DIAPH1: variants seen among roughly 807,000 people sequenced by gnomAD.
DIAPH1 encodes protein diaphanous homolog 1.
DIAPH1 carries 46 observed loss-of-function variants against 140.7 expected under a neutral mutation model. The observed-to-expected ratio is 0.33, with a 90% CI of 0.26 to 0.42. The LOEUF (loss-of-function observed/expected upper bound fraction) is 0.42, where lower values mean the gene tolerates loss of function less well. DIAPH1 is among the 10% of genes least tolerant of loss of function. DIAPH1 has a pLI of 1.00. For missense variants in DIAPH1, 1,310 were observed against 1,558.7 expected (o/e 0.84, Z 2.69); for synonymous variants, 565 against 551.6 (o/e 1.02, Z -0.34).
intron 18 of DIAPH1, among the ~76,000 whole-genome samples, chr5:141,546,183 C>T (rs528968276): frequency 5.9e-5 from 9 of 151,962 alleles, no homozygotes; most frequent in African/African-American, 1.2e-4. Context: ...GGAGTTTGAG[C>T]GCAGCCTGGC....
chr5:141,581,343 A>G (rs1351709032), intron 7 of DIAPH1, among the ~76,000 whole-genome samples: 1 of 152,210 alleles, frequency 6.6e-6, no homozygotes, highest in African/African-American at 2.4e-5. Flanking sequence ...TAGCCTCTAG[A>G]ATTGTGAGAT....
intron 22 of DIAPH1, 58 bp from the exon 23 acceptor site, chr5:141,528,640 A>G: frequency 6.2e-7 from 1 of 1,614,240 alleles, no homozygotes; most frequent in East Asian, 2.2e-5. Flanking sequence ...CCTCCTGCCA[A>G]CACTGAACTC....
Position 141,590,782 on chromosome 5 carries a change from T to C in DIAPH1, c.118-2532A>G, listed in dbSNP as rs1213491546. 3.3e-5 allele frequency among the ~76,000 whole-genome samples: 5 copies of C among 152,080 alleles called. No individual in the cohort carries two copies. The East Asian group carries it at 7.7e-4, about 24-fold the overall frequency. On this transcript the variant is annotated intron_variant, in intron 1 of 27. Transcript: ENST00000389054. ...GTGGGGGGTAACCAGCAACCTGTTC[T>C]TTCTGCCTACAGACTCTTGATTCGT...
At chr5:141,589,759 T>C (rs1183010594) in intron 1 of DIAPH1, among the ~76,000 whole-genome samples, 2 of 152,136 alleles carry the variant, frequency 1.3e-5, no homozygotes, top group East Asian at 3.9e-4. Flanking sequence ...ATTCTGTATG[T>C]TTTACATTCT....
chr5:141,545,002 T>C (rs2099890568), intron 18 of DIAPH1, among the ~76,000 whole-genome samples: 2 of 152,210 alleles, frequency 1.3e-5, no homozygotes, highest in South Asian at 4.1e-4. Flanking sequence ...AACCCAGATG[T>C]CCATCAGCCA....
rs2099893944 is a variant in DIAPH1 at position 141,563,767 on chromosome 5, C to A, written c.2482+7661G>T. The A allele has an allele frequency of 2.0e-5, 3 of 152,140 alleles. No homozygotes were observed. The South Asian group carries it at 6.2e-4, about 31-fold the overall frequency. 9.4% of individuals were successfully genotyped at this position (152,140 alleles called of 1,614,324 possible). A position where few individuals can be genotyped will look rare whatever the true frequency, so the allele number is the denominator to read the frequency against. On this transcript the variant is annotated intron_variant, in intron 18 of 27. Transcript: ENST00000389054. ...TAAAGCTGGGATGGCTAGAAAGAGG[C>A]TCTAAAAATGAGACTAGCTGGGGAT...
intron 18 of DIAPH1, among the ~76,000 whole-genome samples, chr5:141,537,347 G>A (rs1278599376): frequency 6.6e-6 from 1 of 151,954 alleles, no homozygotes; most frequent in African/African-American, 2.4e-5. Flanking sequence ...GCCGGGTGTG[G>A]TGGCACATGC....
At chr5:141,595,457 C>T (rs2099899161) in intron 1 of DIAPH1, among the ~76,000 whole-genome samples, 1 of 152,100 alleles carries the variant, frequency 6.6e-6, no homozygotes, top group Admixed American at 6.5e-5. Flanking sequence ...AAATGTAATC[C>T]CCATAATCCC....
intron 18 of DIAPH1, among the ~76,000 whole-genome samples, chr5:141,566,356 A>C (rs925102016): frequency 6.6e-6 from 1 of 152,242 alleles, no homozygotes; most frequent in African/African-American, 2.4e-5. Flanking sequence ...TGGAGTATAG[A>C]AGAGTGGATA....
chr5:141,578,370 G>A, intron 10 of DIAPH1, 27 bp from the exon 11 acceptor site: 1 of 1,593,548 alleles, frequency 6.3e-7, no homozygotes, highest in Non-Finnish European at 8.6e-7. Context: ...TAGAAGTCAG[G>A]GAACCCAAAA....
chr5:141,593,674 A>T (rs1198652223), intron 1 of DIAPH1, among the ~76,000 whole-genome samples: 1 of 152,250 alleles, frequency 6.6e-6, no homozygotes, highest in East Asian at 1.9e-4. Context: ...TTAAATGGCA[A>T]ATAAACTTAC....
chr5:141,519,905 C>G (rs928547468), intron 27 of DIAPH1, among the ~76,000 whole-genome samples: 1 of 152,136 alleles, frequency 6.6e-6, no homozygotes, highest in African/African-American at 2.4e-5. Context: ...AATATTTTGA[C>G]TACAAGAGAA....
At chr5:141,617,300 G>A (rs576520004) in intron 1 of DIAPH1, among the ~76,000 whole-genome samples, 12 of 151,216 alleles carry the variant, frequency 7.9e-5, no homozygotes, top group Non-Finnish European at 7.4e-5. Flanking sequence ...ATATTTCTAG[G>A]GGGGGAAAAA....
chr5:141,536,415 C>A lies in DIAPH1; in HGVS notation c.2483-1982G>T, dbSNP rs140807060. 3.7e-3 allele frequency among the ~76,000 whole-genome samples: 563 copies of A among 152,216 alleles called. 5 individuals are homozygous for A. Among genetic ancestry groups the A allele is most frequent in the Admixed American group, 0.011 (164 of 15,280 alleles). ...TTATTGAGTACCTATATGTGCCAGG[C>A]TCCATTCTGGGCAATGGAAATAAAA... On this transcript the variant is annotated intron_variant, in intron 18 of 27. Coordinates refer to ENST00000389054, the MANE Select transcript of DIAPH1 (RefSeq NM_005219.5).
chr5:141,612,486 C>T (rs2099901996), intron 1 of DIAPH1, among the ~76,000 whole-genome samples: 1 of 152,172 alleles, frequency 6.6e-6, no homozygotes, highest in Non-Finnish European at 1.5e-5. Flanking sequence ...AAGGATTAAG[C>T]TATTGATATA....
In DIAPH1 at chr5:141,528,845, A is replaced by T; in HGVS notation, c.2875T>A (p.Ser959Thr). ...AACTCCTCACATGCAGCAGTGACAG[A>T]CACAATCTCTGGCTTGATATTCTCC... ...QVENIKPEIVSVTAACEELRK... is the reference protein window; with the variant it reads ...QVENIKPEIVTVTAACEELRK... The change falls in exon 22 of 28, where the codon TCT becomes ACT. Residue 959 changes from serine (S) to threonine (T), a missense_variant. Physicochemically the swap from Ser to Thr is moderately conservative, Grantham distance 58. This residue lies in a region of DIAPH1 where 344 missense variants were observed against 512.2 expected (regional missense o/e 0.67). Coordinates refer to ENST00000389054, the MANE Select transcript of DIAPH1 (RefSeq NM_005219.5). The T allele has an allele frequency of 6.2e-7, 1 of 1,614,258 alleles. No homozygotes were observed.
At chr5:141,566,164 G>A (rs548341449) in intron 18 of DIAPH1, among the ~76,000 whole-genome samples, 1 of 152,306 alleles carries the variant, frequency 6.6e-6, no homozygotes, top group East Asian at 1.9e-4. Context: ...GGATAGCAAA[G>A]GGAGTAAGGT....
In DIAPH1 at chr5:141,618,968, G is replaced by T. The variant is rs1180496257; in HGVS notation, c.-54C>A. The T allele has an allele frequency of 9.5e-7, 1 of 1,047,330 alleles. No homozygotes were observed. Among genetic ancestry groups the T allele is most frequent in the Non-Finnish European group, 1.3e-6 (1 of 776,194 alleles). The allele number at this position is 1,047,330 out of a possible 1,614,324, so 64.9% of individuals were successfully genotyped here. ...GCGCCTACGCCGCTCCCGCCTGGCAGCTCCGCGCCCGCCGCCGCCCAGTCG... is the reference window on the plus strand; with the variant it reads ...GCGCCTACGCCGCTCCCGCCTGGCATCTCCGCGCCCGCCGCCGCCCAGTCG... On this transcript the variant is annotated 5_prime_UTR_variant, in exon 1 of 28. It adds an upstream start codon to the 5' untranslated region. Coordinates refer to ENST00000389054, the MANE Select transcript of DIAPH1 (RefSeq NM_005219.5).
At position 141,536,049 on chromosome 5, in the gene DIAPH1, C is replaced by T. The variant is rs147677041; in HGVS notation, c.2483-1616G>A. 6.6e-3 allele frequency: 3,067 copies of T among 467,172 alleles called. 42 individuals carry two copies. The highest frequency in any genetic ancestry group is 0.028 in the African/African-American group (1,381 of 50,024). 28.9% of individuals were successfully genotyped at this position (467,172 alleles called of 1,614,324 possible). On this transcript the variant is annotated intron_variant, in intron 18 of 27. Coordinates refer to ENST00000389054, the MANE Select transcript of DIAPH1 (RefSeq NM_005219.5). ...GCACAGTGGCTCACACCTGTAATCC[C>T]AGCACTTTGGAAGGCTGAGGTGGGC... is the stretch of plus-strand genomic sequence containing the variant.
Sources: allele counts gnomAD v4.1 joint callset (sites outside exome capture counted in the v4.1 genomes callset), GRCh38; gene constraint gnomAD v4.1.1; regional missense constraint gnomAD v4.1.1; transcripts MANE v1.5; gene names NCBI Gene and HGNC (gene_info 2026-07-23, HGNC 2026-07-21).